ASAH2: variants seen among roughly 807,000 people sequenced by gnomAD.
ASAH2 encodes the protein neutral ceramidase.
A neutral mutation model predicts 82.9 loss-of-function variants in ASAH2; 58 were observed. The ratio of observed to expected loss-of-function variants is 0.70; its 90% CI spans 0.57 to 0.87. The LOEUF (loss-of-function observed/expected upper bound fraction) is 0.87, where lower values mean the gene tolerates loss of function less well. Among genes scored for constraint, ASAH2 ranks in the 40% least tolerant of loss-of-function variants. The probability of loss-of-function intolerance (pLI) is 0.00; values close to 1 mark genes in which losing one functional copy is unlikely to be tolerated. For synonymous variants in ASAH2, 276 were observed against 289.7 expected (o/e 0.95, Z 0.48); for missense variants, 779 against 834.0 (o/e 0.93, Z 0.81).
chr10:50,188,099 T>C (rs1844794643), intron 20 of ASAH2, among the ~76,000 whole-genome samples: 1 of 105,530 alleles, frequency 9.5e-6, no homozygotes, highest in African/African-American at 3.6e-5. Context: ...ACAAGTTTAG[T>C]GTAGAAAACA....
intron 2 of ASAH2, among the ~76,000 whole-genome samples, chr10:50,245,789 A>G (rs770121870): frequency 5.5e-4 from 84 of 152,076 alleles, no homozygotes; most frequent in Non-Finnish European, 8.5e-4. Flanking sequence ...ACTAAATCCA[A>G]TATCTGGGGA....
At chr10:50,225,233 T>C (rs1177440010) in intron 7 of ASAH2, among the ~76,000 whole-genome samples, 1 of 152,074 alleles carries the variant, frequency 6.6e-6, no homozygotes, top group Non-Finnish European at 1.5e-5. Context: ...CTGGCCAACA[T>C]GGCAAAACCC....
chr10:50,205,256 T>C (rs1370764303), intron 13 of ASAH2, among the ~76,000 whole-genome samples: 6 of 152,010 alleles, frequency 3.9e-5, no homozygotes, highest in East Asian at 1.9e-4. Flanking sequence ...AAATAAGGAA[T>C]TCCATTTGGA....
Position 50,236,026 on chromosome 10 carries a change from G to A in ASAH2, c.549C>T (p.Tyr183=). 1.2e-6 allele frequency: 2 copies of A among 1,613,190 alleles called. No homozygotes were observed. The highest frequency in any genetic ancestry group is 1.7e-6 in the Non-Finnish European group (2 of 1,179,362). ...NRLQSKYGSL[Y]RRDNVILSGT... ...CACTCAGGATGACATTATCTCTTCT[G>A]TACAGGGAGCCATATTTACTCTGCA... The change falls in exon 5 of 21, where the codon TAC becomes TAT. Residue 183 remains tyrosine (Y), a synonymous_variant. Coordinates refer to ENST00000682911, the MANE Select transcript of ASAH2 (RefSeq NM_019893.4).
At chr10:50,234,676 G>T in intron 5 of ASAH2, 124 bp from the exon 6 acceptor site, 1 of 1,356,324 alleles carries the variant, frequency 7.4e-7, no homozygotes, top group Non-Finnish European at 1.0e-6. Context: ...TCCACATTAC[G>T]GGATAAAAGC....
chr10:50,216,673 TTC>T (rs1164250911), intron 8 of ASAH2, among the ~76,000 whole-genome samples: 114,618 of 151,870 alleles, frequency 0.75, 45,509 homozygotes, highest in Non-Finnish European at 0.88. Flanking sequence ...GATGTATATT[TTC>T]TCTCTCTCTT....
chr10:50,234,605 C>A, intron 5 of ASAH2, 53 bp from the exon 6 acceptor site: 3 of 1,611,054 alleles, frequency 1.9e-6, no homozygotes, highest in Admixed American at 1.7e-5. Context: ...CTGGTGGGGA[C>A]AATAACTTAG....
rs1234606085 is a variant in ASAH2 at position 50,184,982 on chromosome 10, C to A, written c.*2333G>T. 2.0e-4 allele frequency: 30 copies of A among 151,642 alleles called. No individual in the cohort carries two copies. Among genetic ancestry groups the A allele is most frequent in the Non-Finnish European group, 3.1e-4 (21 of 67,714 alleles). The allele number at this position is 151,642 out of a possible 1,614,324, so 9.4% of individuals were successfully genotyped here. A position where few individuals can be genotyped will look rare whatever the true frequency, so the allele number is the denominator to read the frequency against. ...ATTATTCAGTGCTTTTCAAAGAAGT[C>A]AAAAAATCCTTAAAACCAGAGTAGG... is the stretch of plus-strand genomic sequence containing the variant. On this transcript the variant is annotated 3_prime_UTR_variant, in exon 21 of 21. Transcript: ENST00000682911.
chr10:50,203,392 A>G (rs1845210222), intron 15 of ASAH2, among the ~76,000 whole-genome samples: 1 of 152,054 alleles, frequency 6.6e-6, no homozygotes, highest in Admixed American at 6.6e-5. Flanking sequence ...GTTACTTAGT[A>G]TTTAATGTAT....
At chr10:50,224,288 T>G (rs1159601411) in intron 7 of ASAH2, among the ~76,000 whole-genome samples, 1 of 152,106 alleles carries the variant, frequency 6.6e-6, no homozygotes, top group Admixed American at 6.6e-5. Context: ...AGAATATTGG[T>G]GATGCTATAC....
intron 5 of ASAH2, 88 bp downstream of exon 5, chr10:50,235,800 A>G: frequency 6.9e-7 from 1 of 1,443,270 alleles, no homozygotes; most frequent in Non-Finnish European, 9.7e-7. Flanking sequence ...CCCAAATCCT[A>G]TAGGGATTCT....
In ASAH2 at chr10:50,203,745, T is replaced by A. The variant is rs1845223072; in HGVS notation, c.1626-66A>T. 6 of 1,476,234 alleles carry A rather than the reference T, an allele frequency of 4.1e-6. No homozygotes were observed. In the East Asian group the frequency reaches 6.8e-5, roughly 17 times the overall value. The allele number at this position is 1,476,234 out of a possible 1,614,324, so 91.4% of individuals were successfully genotyped here. On this transcript the variant is annotated intron_variant, in intron 14 of 20. Transcript: ENST00000682911. ...ACGTATGCAGAGTACACAGAAACAC[T>A]GGCAGTGAAAGCCAAAAAATTACCC...
rs1184431201 is a variant in ASAH2, at chr10:50,233,200, C to A, written c.877G>T (p.Asp293Tyr). The change falls in exon 7 of 21, where the codon GAC becomes TAC. Residue 293 changes from aspartate to tyrosine, a missense_variant. Transcript: ENST00000682911. Reference sequence around the variant, plus strand: ...ATACAGTACCTGATAAGGCCCAAGTCATCTCCATTCAAATCTACCATTTTC... The same window carrying A: ...ATACAGTACCTGATAAGGCCCAAGTAATCTCCATTCAAATCTACCATTTTC... ...VLKMVDLNGD[D>Y]LGLISWFAIH... is the part of the protein sequence containing the mutation. The A allele has an allele frequency of 1.9e-6, 3 of 1,610,694 alleles. No individual in the cohort carries two copies. The highest frequency in any genetic ancestry group is 2.5e-6 in the Non-Finnish European group (3 of 1,177,254).
chr10:50,246,166 A>G (rs1385300376), intron 2 of ASAH2, among the ~76,000 whole-genome samples: 1 of 152,216 alleles, frequency 6.6e-6, no homozygotes, highest in Non-Finnish European at 1.5e-5. Flanking sequence ...AATGACATAT[A>G]GGATTTTTGT....
rs1846150848 is a variant in ASAH2, at chr10:50,236,008, G to A, written c.567C>T (p.Ile189=). Residue 189 remains isoleucine, a synonymous_variant, in exon 5 of 21, where the codon ATC becomes ATT. Coordinates refer to ENST00000682911, the MANE Select transcript of ASAH2 (RefSeq NM_019893.4). ...CTGAATGAGTGTGAGTGCCACTCAG[G>A]ATGACATTATCTCTTCTGTACAGGG... ...YGSLYRRDNV[I]LSGTHTHSGP... is the part of the protein sequence containing the mutation. 1 of 1,613,030 alleles carries A rather than the reference G, an allele frequency of 6.2e-7. No homozygotes were observed. Among genetic ancestry groups the A allele is most frequent in the Non-Finnish European group, 8.5e-7 (1 of 1,179,290 alleles).
At chr10:50,206,263 C>T (rs1435934250) in intron 12 of ASAH2, among the ~76,000 whole-genome samples, 166 bp from the exon 13 acceptor site, 1 of 151,746 alleles carries the variant, frequency 6.6e-6, no homozygotes, top group African/African-American at 2.4e-5. Context: ...GGAAAAATGT[C>T]CTGTGCATCC....
Position 50,240,557 on chromosome 10 carries a change from A to AAGCTG in ASAH2, c.510+2644_510+2645insCAGCT, listed in dbSNP as rs1478474378. ...ATTTCTCAGAGTCCATATCACCCAC[A>AAGCTG]GAATTAAAAACAAGCTGGCATCTCA... On this transcript the variant is annotated intron_variant, in intron 4 of 20. Coordinates refer to ENST00000682911, the MANE Select transcript of ASAH2 (RefSeq NM_019893.4). 2.3e-5 allele frequency: 16 copies of AAGCTG among 702,184 alleles called. No individual in the cohort carries two copies. In the East Asian group the frequency reaches 4.3e-4, roughly 19 times the overall value. 43.5% of individuals were successfully genotyped at this position (702,184 alleles called of 1,614,324 possible). A position where few individuals can be genotyped will look rare whatever the true frequency, so the allele number is the denominator to read the frequency against.
intron 4 of ASAH2, among the ~76,000 whole-genome samples, chr10:50,241,976 G>A (rs567983993): frequency 6.6e-6 from 1 of 152,122 alleles, no homozygotes; most frequent in South Asian, 2.1e-4. Flanking sequence ...CATGGCACAT[G>A]TATAGCTATG....
At chr10:50,240,569 A>T in intron 4 of ASAH2, 2 of 702,294 alleles carry the variant, frequency 2.8e-6, no homozygotes, top group Non-Finnish European at 2.6e-6. Context: ...AATTAAAAAC[A>T]AGCTGGCATC....
Sources: allele counts gnomAD v4.1 joint callset (sites outside exome capture counted in the v4.1 genomes callset), GRCh38; gene constraint gnomAD v4.1.1; transcripts MANE v1.5; gene names NCBI Gene and HGNC (gene_info 2026-07-23, HGNC 2026-07-21).